MAP1B: variants seen among roughly 807,000 people sequenced by gnomAD.
The protein encoded by MAP1B is microtubule-associated protein 1B.
A neutral mutation model predicts 176.1 loss-of-function variants in MAP1B; 12 were observed. The ratio of observed to expected loss-of-function variants is 0.07; its 90% CI spans 0.04 to 0.11. The LOEUF is 0.11. Ranked by LOEUF, MAP1B falls within the 10% of genes least tolerant of loss-of-function variation. The pLI is 1.00. For synonymous variants in MAP1B, 1,044 were observed against 1,135.0 expected (o/e 0.92, Z 1.61); for missense variants, 2,523 against 2,990.5 (o/e 0.84, Z 3.65).
Position 72,194,664 on chromosome 5 carries a change from T to C in MAP1B, c.1309T>C (p.Phe437Leu), listed in dbSNP as rs1747106930. The change falls in exon 5 of 7, where the codon TTT (phenylalanine) becomes CTT (leucine). Residue 437 changes from phenylalanine (F) to leucine (L), a missense_variant. Phe to Leu is a conservative substitution (Grantham distance 22, BLOSUM62 0). Around this residue, in one of 4 missense-constraint regions of MAP1B, gnomAD observed 1,925 missense variants for 2,126.0 expected, o/e 0.91. Transcript: ENST00000296755. The surrounding 1 kb of genome is among the most constrained non-coding windows in gnomAD (Gnocchi z 7.2). ...CAAGAGCAGCAAGGAAATGCAGTAT[T>C]TTATGCAGCAGTGGACTGGTACCAA... ...PVKSSKEMQY[F>L]MQQWTGTNKD... is the part of the protein sequence containing the mutation. The C allele has an allele frequency of 6.2e-7, 1 of 1,614,206 alleles. No individual in the cohort carries two copies. The highest frequency in any genetic ancestry group is 1.3e-5 in the African/African-American group (1 of 75,052).
chr5:72,195,113 A>G lies in MAP1B; in HGVS notation c.1758A>G (p.Val586=). 3 of 1,613,604 alleles carry G rather than the reference A, an allele frequency of 1.9e-6. No homozygotes were observed. The South Asian group carries it at 3.3e-5, about 18-fold the overall frequency. The change falls in exon 5 of 7, where the codon GTA becomes GTG. Residue 586 remains valine (V), a synonymous_variant. Coordinates refer to ENST00000296755, the MANE Select transcript of MAP1B (RefSeq NM_005909.5). ...KPPKVESKEK[V]MVKKDKPIKT... is the part of the protein sequence containing the mutation. The stretch of plus-strand genomic sequence containing the variant: ...CCAAAGTTGAAAGCAAAGAAAAGGT[A>G]ATGGTGAAAAAAGACAAGCCAATAA...
At chr5:72,162,096 G>T (rs1283615393) in intron 2 of MAP1B, among the ~76,000 whole-genome samples, 2 of 152,098 alleles carry the variant, frequency 1.3e-5, no homozygotes, top group Admixed American at 1.3e-4. Flanking sequence ...GTCCAAGACA[G>T]CACTGCAGAC....
intron 2 of MAP1B, among the ~76,000 whole-genome samples, chr5:72,156,578 C>T (rs373680868): frequency 3.0e-4 from 46 of 152,274 alleles, no homozygotes; most frequent in African/African-American, 9.6e-4. Context: ...ATTTCATGGA[C>T]GTTTGTGATA....
At chr5:72,135,740 CT>C (rs1170789319) in intron 2 of MAP1B, among the ~76,000 whole-genome samples, 1 of 152,162 alleles carries the variant, frequency 6.6e-6, no homozygotes, top group Admixed American at 6.5e-5. Context: ...AGATCAGACC[CT>C]CTTGTGAGGT....
In MAP1B at chr5:72,186,425, T is replaced by C. The variant is rs972268031; in HGVS notation, c.370-189T>C. On this transcript the variant is annotated intron_variant, in intron 3 of 6. Transcript: ENST00000296755. This position sits in a 1 kb window ranked among gnomAD's most constrained non-coding sequence, Gnocchi z 4.3. ...TAACTACACTTATTGGCTTTGTGGA[T>C]GATCCTACAGCCAGGGATCCATTCA... Among the ~76,000 whole-genome samples, 5 of 152,260 alleles carry C rather than the reference T, an allele frequency of 3.3e-5. No individual in the cohort carries two copies. Among genetic ancestry groups the C allele is most frequent in the African/African-American group, 1.2e-4 (5 of 41,470 alleles).
rs765714052 is a variant in MAP1B, at chr5:72,199,810, A to T, written c.6455A>T (p.Glu2152Val). ...GAAACCCCTCCCACCTCAGTCAGCG[A>T]GTCAGCCCCATCCCAGACCGACTCT... ...CDETPPTSVS[E>V]SAPSQTDSDV... The change falls in exon 5 of 7, where the codon GAG (glutamate) becomes GTG (valine). Residue 2152 changes from glutamate to valine, a missense_variant. By Grantham distance (121) the Glu-to-Val change is moderately radical. This residue lies in a region of MAP1B where 287 missense variants were observed against 401.5 expected (regional missense o/e 0.71). Coordinates refer to ENST00000296755, the MANE Select transcript of MAP1B (RefSeq NM_005909.5). The surrounding 1 kb of genome is among the most constrained non-coding windows in gnomAD (Gnocchi z 4.2). 6.2e-7 allele frequency: 1 copy of T among 1,614,130 alleles called. No individual in the cohort carries two copies. Among genetic ancestry groups the T allele is most frequent in the South Asian group, 1.1e-5 (1 of 91,064 alleles).
At chr5:72,175,959 T>C (rs1363744987) in intron 2 of MAP1B, among the ~76,000 whole-genome samples, 2 of 152,210 alleles carry the variant, frequency 1.3e-5, no homozygotes, top group Non-Finnish European at 2.9e-5. Flanking sequence ...TGAACTTGAG[T>C]TTTTTTATTC....
chr5:72,151,438 T>C (rs1489567259), intron 2 of MAP1B, among the ~76,000 whole-genome samples: 1 of 152,156 alleles, frequency 6.6e-6, no homozygotes, highest in Non-Finnish European at 1.5e-5. Context: ...AAGTCATTGA[T>C]CATAGAACAT....
At position 72,186,294 on chromosome 5, in the gene MAP1B, T is replaced by C. The variant is rs904035855; in HGVS notation, c.370-320T>C. ...CTGTGGAACAAATGATTACCAGCTGTGAAGACTGCTTTGAAAAAGAGGAGG... is the reference window on the plus strand; with the variant it reads ...CTGTGGAACAAATGATTACCAGCTGCGAAGACTGCTTTGAAAAAGAGGAGG... On this transcript the variant is annotated intron_variant, in intron 3 of 6. Transcript: ENST00000296755. The surrounding 1 kb of genome is among the most constrained non-coding windows in gnomAD (Gnocchi z 4.3). 1.3e-5 allele frequency among the ~76,000 whole-genome samples: 2 copies of C among 152,204 alleles called. No homozygotes were observed. The highest frequency in any genetic ancestry group is 4.8e-5 in the African/African-American group (2 of 41,452).
chr5:72,121,382 CTAG>C (rs1745527468), intron 2 of MAP1B, among the ~76,000 whole-genome samples: 1 of 152,220 alleles, frequency 6.6e-6, no homozygotes, highest in African/African-American at 2.4e-5. Flanking sequence ...CATTTTGTCA[CTAG>C]TTTTATAACA....
intron 1 of MAP1B, among the ~76,000 whole-genome samples, chr5:72,113,190 A>G (rs1162632738): frequency 6.6e-6 from 1 of 152,232 alleles, no homozygotes; most frequent in Admixed American, 6.5e-5. Flanking sequence ...TAAAATTGGT[A>G]TGGAAAGTGG....
At chr5:72,191,143 CA>C (rs1747017129) in intron 4 of MAP1B, among the ~76,000 whole-genome samples, 2 of 152,226 alleles carry the variant, frequency 1.3e-5, no homozygotes, top group South Asian at 4.1e-4. Flanking sequence ...CCAAGTTTGG[CA>C]CACAGATCAA....
intron 2 of MAP1B, among the ~76,000 whole-genome samples, chr5:72,170,884 T>C (rs1396516766): frequency 6.6e-6 from 1 of 152,002 alleles, no homozygotes; most frequent in Non-Finnish European, 1.5e-5. Context: ...GAGGCAGAGG[T>C]TGCAGTAAGC....
Position 72,205,381 on chromosome 5 carries a change from T to A in MAP1B, c.*142T>A. 1 of 762,682 alleles carries A rather than the reference T, an allele frequency of 1.3e-6. No individual in the cohort carries two copies. Among genetic ancestry groups the A allele is most frequent in the Non-Finnish European group, 2.0e-6 (1 of 490,164 alleles). The allele number at this position is 762,682 out of a possible 1,614,324, so 47.2% of individuals were successfully genotyped here. ...CAAATGCTATACTGTGTCATGGTGATGCAAGTCACTAAATTTCTCAGTTTT... is the reference window on the plus strand; with the variant it reads ...CAAATGCTATACTGTGTCATGGTGAAGCAAGTCACTAAATTTCTCAGTTTT... On this transcript the variant is annotated 3_prime_UTR_variant, in exon 7 of 7. Transcript: ENST00000296755.
At chr5:72,117,283 A>G (rs1579980306) in intron 2 of MAP1B, among the ~76,000 whole-genome samples, 4 of 152,320 alleles carry the variant, frequency 2.6e-5, no homozygotes, top group East Asian at 3.9e-4. Context: ...TTTTAAAACC[A>G]TCTCACAAAA....
At chr5:72,122,563 A>G (rs1360596337) in intron 2 of MAP1B, among the ~76,000 whole-genome samples, 1 of 151,916 alleles carries the variant, frequency 6.6e-6, no homozygotes, top group East Asian at 1.9e-4. Flanking sequence ...TTTCACTGCC[A>G]TGTTCAGGCT....
chr5:72,139,764 TA>T (rs1157215765), intron 2 of MAP1B, among the ~76,000 whole-genome samples: 1 of 152,172 alleles, frequency 6.6e-6, no homozygotes, highest in Non-Finnish European at 1.5e-5. Context: ...TTTTCTTACA[TA>T]AAAATCTAAG....
At chr5:72,127,416 T>C (rs1407183261) in intron 2 of MAP1B, among the ~76,000 whole-genome samples, 3 of 152,248 alleles carry the variant, frequency 2.0e-5, no homozygotes, top group African/African-American at 7.2e-5. Flanking sequence ...GAATGGCTGT[T>C]GATTTTTAAT....
At position 72,193,967 on chromosome 5, in the gene MAP1B, C is replaced by G; in HGVS notation, c.612C>G (p.His204Gln). The G allele has an allele frequency of 6.2e-7, 1 of 1,614,198 alleles. No homozygotes were observed. Among genetic ancestry groups the G allele is most frequent in the East Asian group, 2.2e-5 (1 of 44,882 alleles). The change falls in exon 5 of 7, where the codon CAC (histidine) becomes CAG (glutamine). Residue 204 changes from histidine (H) to glutamine (Q), a missense_variant. Coordinates refer to ENST00000296755, the MANE Select transcript of MAP1B (RefSeq NM_005909.5). Reference sequence around the variant, plus strand: ...GGAAGAACTCCAATCTTGACAGACACAATCTCCAAGACTTCATCAATATTA... The same window carrying G: ...GGAAGAACTCCAATCTTGACAGACAGAATCTCCAAGACTTCATCAATATTA... ...GDWKNSNLDRHNLQDFINIKL... is the reference protein window; with the variant it reads ...GDWKNSNLDRQNLQDFINIKL...
Sources: allele counts gnomAD v4.1 joint callset (sites outside exome capture counted in the v4.1 genomes callset), GRCh38; gene constraint gnomAD v4.1.1; regional missense constraint gnomAD v4.1.1; non-coding constraint Gnocchi (gnomAD v3.1); transcripts MANE v1.5; gene names NCBI Gene and HGNC (gene_info 2026-07-23, HGNC 2026-07-21).